SPOCK3: variants seen among roughly 807,000 people sequenced by gnomAD.
SPOCK3 encodes testican-3.
Under a neutral mutation model 56.6 loss-of-function variants are expected in SPOCK3, and 30 were observed. The ratio of observed to expected loss-of-function variants is 0.53; its 90% CI spans 0.40 to 0.72. The LOEUF is 0.72. Ranked by LOEUF, SPOCK3 falls within the 30% of genes least tolerant of loss-of-function variation. The pLI is 0.00. For synonymous variants in SPOCK3, 196 were observed against 183.3 expected, an observed-to-expected ratio of 1.07 and a Z score of -0.56; for missense variants, 527 against 530.0, an observed-to-expected ratio of 0.99 and a Z score of 0.06.
intron 4 of SPOCK3, among the ~76,000 whole-genome samples, chr4:166,932,780 C>T (rs980052383): frequency 3.9e-5 from 6 of 152,068 alleles, no homozygotes; most frequent in Admixed American, 3.9e-4. Context: ...AATTCACTTG[C>T]TTAATTTATT....
chr4:167,197,722 C>T (rs116057781), intron 2 of SPOCK3, among the ~76,000 whole-genome samples: 6 of 152,220 alleles, frequency 3.9e-5, no homozygotes, highest in South Asian at 2.1e-4. Context: ...TCCACTTCCA[C>T]GCTCATCTGA....
At chr4:167,008,023 T>A (rs1749635665) in intron 3 of SPOCK3, among the ~76,000 whole-genome samples, 1 of 152,140 alleles carries the variant, frequency 6.6e-6, no homozygotes, top group South Asian at 2.1e-4. Flanking sequence ...TCAGTGCTAA[T>A]AAAATGTGCA....
chr4:166,776,850 T>A (rs1739604841), intron 7 of SPOCK3, among the ~76,000 whole-genome samples: 1 of 152,108 alleles, frequency 6.6e-6, no homozygotes, highest in Admixed American at 6.6e-5. Context: ...CATAAAGAAA[T>A]CTTCACTTAA....
chr4:166,990,711 C>T (rs555509221), intron 4 of SPOCK3, among the ~76,000 whole-genome samples: 59 of 151,858 alleles, frequency 3.9e-4, no homozygotes, highest in African/African-American at 1.4e-3. Flanking sequence ...TCAGTAACAG[C>T]AAGTTTGGAT....
intron 6 of SPOCK3, among the ~76,000 whole-genome samples, chr4:166,799,002 C>T (rs1334136205): frequency 2.0e-5 from 3 of 152,094 alleles, no homozygotes; most frequent in African/African-American, 7.2e-5. Flanking sequence ...TCCCTAAGAA[C>T]GCCAATTTAA....
chr4:167,109,226 TAATA>T (rs1760589464), intron 2 of SPOCK3, among the ~76,000 whole-genome samples: 1 of 88,150 alleles, frequency 1.1e-5, no homozygotes, highest in Admixed American at 2.1e-4. Context: ...ATATAGTATA[TAATA>T]TATATTTAAT....
intron 3 of SPOCK3, among the ~76,000 whole-genome samples, chr4:167,044,025 C>T (rs1162338242): frequency 6.6e-6 from 1 of 151,868 alleles, no homozygotes; most frequent in African/African-American, 2.4e-5. Context: ...TTGTTTTATT[C>T]TTCTTTAAAG....
chr4:166,979,210 T>C (rs1051102272), intron 4 of SPOCK3, among the ~76,000 whole-genome samples: 2 of 152,144 alleles, frequency 1.3e-5, no homozygotes, highest in Non-Finnish European at 2.9e-5. Flanking sequence ...CTCCTCTTCC[T>C]ACCCAGAGTA....
intron 5 of SPOCK3, among the ~76,000 whole-genome samples, chr4:166,897,420 G>A (rs1393151873): frequency 6.6e-6 from 1 of 151,994 alleles, no homozygotes; most frequent in Non-Finnish European, 1.5e-5. Flanking sequence ...TTCCTGTCCA[G>A]TAAAAAAAGA....
intron 2 of SPOCK3, among the ~76,000 whole-genome samples, chr4:167,173,357 T>A (rs970851809): frequency 2.0e-5 from 3 of 152,192 alleles, no homozygotes; most frequent in African/African-American, 7.2e-5. Context: ...GCCTTCCATA[T>A]TTTTAAGTTC....
rs747796951 is a variant in SPOCK3, at chr4:167,234,182, G to T, written c.1-9C>A. On this transcript the variant is annotated splice_polypyrimidine_tract_variant and intron_variant, in intron 1 of 10. Transcript: ENST00000357545. ...GCTGACACCTTGAGCATCTGGGAGA[G>T]GAGACACAACGGGGGGTGGGGGGGC... is the stretch of plus-strand genomic sequence containing the variant. 1 of 1,612,812 alleles carries T rather than the reference G, an allele frequency of 6.2e-7. No homozygotes were observed. The highest frequency in any genetic ancestry group is 8.5e-7 in the Non-Finnish European group (1 of 1,179,460).
intron 5 of SPOCK3, 58 bp downstream of exon 5, chr4:166,912,562 C>A: frequency 6.6e-7 from 1 of 1,504,818 alleles, no homozygotes; most frequent in East Asian, 2.3e-5. Context: ...TGGTTTTAAT[C>A]ATTTACTAAT....
chr4:167,132,690 G>C (rs1298478995), intron 2 of SPOCK3, among the ~76,000 whole-genome samples: 2 of 152,070 alleles, frequency 1.3e-5, no homozygotes, highest in Non-Finnish European at 2.9e-5. Flanking sequence ...GAAGCTAGGG[G>C]AACAAATCCA....
chr4:166,896,578 A>G (rs1322579629), intron 5 of SPOCK3, among the ~76,000 whole-genome samples: 1 of 152,152 alleles, frequency 6.6e-6, no homozygotes, highest in African/African-American at 2.4e-5. Flanking sequence ...ATCTCTCGGT[A>G]AGGATGTGTT....
chr4:167,170,591 G>A (rs934603784), intron 2 of SPOCK3, among the ~76,000 whole-genome samples: 5 of 152,112 alleles, frequency 3.3e-5, no homozygotes, highest in Non-Finnish European at 5.9e-5. Context: ...AAGCACACAC[G>A]AGTCATAATA....
intron 2 of SPOCK3, among the ~76,000 whole-genome samples, chr4:167,196,400 T>A (rs1300097661): frequency 6.6e-6 from 1 of 152,186 alleles, no homozygotes; most frequent in Non-Finnish European, 1.5e-5. Flanking sequence ...CATTCATTAA[T>A]CTCACACTAT....
At chr4:166,905,164 T>A (rs1347435880) in intron 5 of SPOCK3, among the ~76,000 whole-genome samples, 1 of 152,112 alleles carries the variant, frequency 6.6e-6, no homozygotes, top group Non-Finnish European at 1.5e-5. Context: ...ACAGTTATTT[T>A]AGCAATTACT....
intron 7 of SPOCK3, among the ~76,000 whole-genome samples, chr4:166,786,194 C>G (rs914487083): frequency 6.6e-6 from 1 of 152,038 alleles, no homozygotes; most frequent in Non-Finnish European, 1.5e-5. Flanking sequence ...GTGAGCCATA[C>G]AGATACCTGG....
intron 6 of SPOCK3, among the ~76,000 whole-genome samples, chr4:166,823,182 C>G (rs1745103244): frequency 6.6e-6 from 1 of 151,980 alleles, no homozygotes; most frequent in African/African-American, 2.4e-5. Context: ...CAAAAACAAT[C>G]TTGGGTTTTC....
Sources: allele counts gnomAD v4.1 joint callset (sites outside exome capture counted in the v4.1 genomes callset), GRCh38; gene constraint gnomAD v4.1.1; transcripts MANE v1.5; gene names NCBI Gene and HGNC (gene_info 2026-07-23, HGNC 2026-07-21).